Variants in MDC1 observed in about 807,000 individuals in gnomAD.
The protein encoded by MDC1 is mediator of DNA damage checkpoint 1.
MDC1 carries 81 observed loss-of-function variants against 142.5 expected under a neutral mutation model. The observed-to-expected ratio is 0.57, with a 90% confidence interval of 0.47 to 0.68. The LOEUF (loss-of-function observed/expected upper bound fraction) is 0.68. MDC1 is among the 30% of genes least tolerant of loss of function. The pLI is 0.00. For missense variants in MDC1, 2,119 were observed against 2,547.9 expected, an observed-to-expected ratio of 0.83 and a Z score of 3.62; for synonymous variants, 797 against 968.4, an observed-to-expected ratio of 0.82 and a Z score of 3.29.
Position 30,713,395 on chromosome 6 carries a change from C to T in MDC1, c.588-41G>A. On this transcript the variant is annotated intron_variant, in intron 4 of 14. Coordinates refer to ENST00000376406, the MANE Select transcript of MDC1 (RefSeq NM_014641.3). The surrounding 1 kb of genome is among the most constrained non-coding windows in gnomAD (Gnocchi z 4.9). ...AAGAGAGTCTATAGAATTTATTTCC[C>T]TGGAAGGGATACCCCAACTCAACTG... 2 of 1,513,788 alleles carry T rather than the reference C, an allele frequency of 1.3e-6. No homozygotes were observed. Among genetic ancestry groups the T allele is most frequent in the Non-Finnish European group, 1.8e-6 (2 of 1,138,144 alleles). The allele number at this position is 1,513,788 out of a possible 1,614,324, so 93.8% of individuals were successfully genotyped here.
Position 30,712,163 on chromosome 6 carries a change from T to G in MDC1, c.1779A>C (p.Ala593=), listed in dbSNP as rs1775010259. 1 of 1,612,624 alleles carries G rather than the reference T, an allele frequency of 6.2e-7. No individual in the cohort carries two copies. The highest frequency in any genetic ancestry group is 1.3e-5 in the African/African-American group (1 of 74,946). The part of the protein sequence containing the change: ...EGTSLTASVV[A]DVRKSQLPAE... ...CTGGAAGCTGGCTCTTTCTTACATC[T>G]GCAACTACTGAGGCTGTTAGGGAGG... The change falls in exon 5 of 15, where the codon GCA becomes GCC. Residue 593 remains alanine, a synonymous_variant. Coordinates refer to ENST00000376406, the MANE Select transcript of MDC1 (RefSeq NM_014641.3). The surrounding 1 kb of genome is among the most constrained non-coding windows in gnomAD (Gnocchi z 4.7).
chr6:30,700,867 A>C (rs1334105633), intron 14 of MDC1, among the ~76,000 whole-genome samples: 1 of 137,110 alleles, frequency 7.3e-6, no homozygotes, highest in African/African-American at 2.7e-5. Flanking sequence ...TCAGGAGATC[A>C]AGACCACGGT....
chr6:30,715,140 T>G lies in MDC1; in HGVS notation c.36A>C (p.Glu12Asp). 6.2e-7 allele frequency: 1 copy of G among 1,614,192 alleles called. No individual in the cohort carries two copies. The highest frequency in any genetic ancestry group is 8.5e-7 in the Non-Finnish European group (1 of 1,180,032). ...TGGATTGCTCTGTCTCCTCCTCTTC[T>G]TCAACATCCCAGTCAATAGCCTGGG... Reference protein sequence around the residue: ...EDTQAIDWDVEEEEETEQSSE... With the variant: ...EDTQAIDWDVDEEEETEQSSE... The change falls in exon 2 of 15, where the codon GAA (glutamate) becomes GAC (aspartate). Residue 12 changes from glutamate (E) to aspartate (D), a missense_variant. Coordinates refer to ENST00000376406, the MANE Select transcript of MDC1 (RefSeq NM_014641.3). This position sits in a 1 kb window ranked among gnomAD's most constrained non-coding sequence, Gnocchi z 4.1.
At position 30,703,719 on chromosome 6, in the gene MDC1, G is replaced by A. The variant is rs972520492; in HGVS notation, c.5464C>T (p.Pro1822Ser). 1.1e-5 allele frequency: 17 copies of A among 1,540,810 alleles called. No individual in the cohort carries two copies. In the African/African-American group the frequency reaches 2.4e-4, roughly 21 times the overall value. ...KRSLATMDSP[P>S]HQKQPQRGEV... ...CCTCTTTGGGGCTGTTTTTGATGTG[G>A]TGGTGAATCCATGGTAGCTAAAGAC... The change falls in exon 10 of 15, where the codon CCA (proline) becomes TCA (serine). Residue 1822 changes from proline to serine, a missense_variant. Pro to Ser is a moderately conservative substitution (Grantham distance 74). Transcript: ENST00000376406. This position sits in a 1 kb window ranked among gnomAD's most constrained non-coding sequence, Gnocchi z 4.4.
Position 30,707,411 on chromosome 6 carries a change from C to T in MDC1, c.3057G>A (p.Arg1019=). ...TGGAAACCTTCTCAGCAGCTCTGAT[C>T]CTGGAAGCCTTCTCAGCAGGTGGCA... ...CKMPPAEKAS[R]IRAAEKVSRG... Residue 1019 remains arginine (R), a synonymous_variant, in exon 9 of 15, where the codon AGG becomes AGA. Transcript: ENST00000376406. 6.2e-7 allele frequency: 1 copy of T among 1,613,116 alleles called. No individual in the cohort carries two copies. Among genetic ancestry groups the T allele is most frequent in the Non-Finnish European group, 8.5e-7 (1 of 1,180,044 alleles).
Position 30,713,956 on chromosome 6 carries a change from G to T in MDC1, c.364C>A (p.Leu122Ile), listed in dbSNP as rs137893469. ...SHRLRDQELI[L>I]FADLLCQYHR... is the part of the protein sequence containing the mutation. ...TACTGGCAGAGCAAGTCAGCAAAGA[G>T]AATCAATTCCTGGTCCCTCAGACGG... Residue 122 changes from leucine (L) to isoleucine (I), a missense_variant, in exon 3 of 15, where the codon CTC (leucine) becomes ATC (isoleucine). Leu to Ile is a conservative substitution (Grantham distance 5). Transcript: ENST00000376406. This position sits in a 1 kb window ranked among gnomAD's most constrained non-coding sequence, Gnocchi z 4.9. 3.5e-5 allele frequency: 57 copies of T among 1,612,984 alleles called. No homozygotes were observed. The highest frequency in any genetic ancestry group is 4.5e-5 in the Non-Finnish European group (53 of 1,180,038).
intron 14 of MDC1, among the ~76,000 whole-genome samples, 187 bp downstream of exon 14, chr6:30,702,366 T>C (rs774152498): frequency 6.6e-6 from 1 of 151,870 alleles, no homozygotes; most frequent in Non-Finnish European, 1.5e-5. Flanking sequence ...GATTGTTATA[T>C]GGGGGTATCA....
In MDC1 at chr6:30,700,628, T is replaced by C; in HGVS notation, c.6107A>G (p.Gln2036Arg). Residue 2036 changes from glutamine (Q) to arginine (R), a missense_variant, in exon 15 of 15, where the codon CAG (glutamine) becomes CGG (arginine). Gln to Arg is a conservative substitution (Grantham distance 43). Transcript: ENST00000376406. ...CTGAGGGCATGTGATCACAACTCTCTGAGGCTGGGGAAGACAGAGCAAAGG... is the reference window on the plus strand; with the variant it reads ...CTGAGGGCATGTGATCACAACTCTCCGAGGCTGGGGAAGACAGAGCAAAGG... ...LPSMPRSYKP[Q>R]RVVITCPQDF... The C allele has an allele frequency of 6.2e-7, 1 of 1,612,846 alleles. No homozygotes were observed.
chr6:30,712,422 C>A lies in MDC1; in HGVS notation c.1520G>T (p.Gly507Val), dbSNP rs1402480580. The A allele has an allele frequency of 6.2e-7, 1 of 1,613,002 alleles. No homozygotes were observed. The highest frequency in any genetic ancestry group is 1.1e-5 in the South Asian group (1 of 91,084). Residue 507 changes from glycine to valine, a missense_variant, in exon 5 of 15, where the codon GGG (glycine) becomes GTG (valine). By Grantham distance (109) the Gly-to-Val change is moderately radical (BLOSUM62 -3). Coordinates refer to ENST00000376406, the MANE Select transcript of MDC1 (RefSeq NM_014641.3). This position sits in a 1 kb window ranked among gnomAD's most constrained non-coding sequence, Gnocchi z 4.7. ...GGCTTGGCTTCTCTCCAGGTGGATC[C>A]CAGGTGAGCTCTTATCTGCTTCCAC... ...DSVEADKSSPGIHLERSQAST... is the reference protein window; with the variant it reads ...DSVEADKSSPVIHLERSQAST...
Position 30,713,052 on chromosome 6 carries a change from T to G in MDC1, c.890A>C (p.Glu297Ala), listed in dbSNP as rs1775155116. The change falls in exon 5 of 15, where the codon GAG (glutamate) becomes GCG (alanine). Residue 297 changes from glutamate (E) to alanine (A), a missense_variant. Transcript: ENST00000376406. This position sits in a 1 kb window ranked among gnomAD's most constrained non-coding sequence, Gnocchi z 4.9. ...VILERSQPPG[E>A]DSDTDVDDDS... Reference sequence around the variant, plus strand: ...ATCATCCACATCTGTGTCACTGTCCTCTCCAGGAGGTTGGCTCCTCTCCAG... The same window carrying G: ...ATCATCCACATCTGTGTCACTGTCCGCTCCAGGAGGTTGGCTCCTCTCCAG... 7 of 1,612,948 alleles carry G rather than the reference T, an allele frequency of 4.3e-6. No homozygotes were observed. The East Asian group carries it at 1.3e-4, about 31-fold the overall frequency.
rs1206610802 is a variant in MDC1 at position 30,707,563 on chromosome 6, T to TA, written c.3013+2dup. On this transcript the variant is annotated splice_region_variant and intron_variant, in intron 8 of 14. Transcript: ENST00000376406. Reference sequence around the variant, plus strand: ...CCTTGGGTTCCCCTCTGCCTTCACTTACCTTTCTGATGCCTCCTGGGGCTC... The same window carrying TA: ...CCTTGGGTTCCCCTCTGCCTTCACTTAACCTTTCTGATGCCTCCTGGGGCTC... 2 of 1,612,284 alleles carry TA rather than the reference T, an allele frequency of 1.2e-6. No individual in the cohort carries two copies. Among genetic ancestry groups the TA allele is most frequent in the Non-Finnish European group, 1.7e-6 (2 of 1,179,384 alleles).
At position 30,711,715 on chromosome 6, in the gene MDC1, G is replaced by T; in HGVS notation, c.2080C>A (p.Leu694Met). ...SEDNYGDSED[L>M]DLQATQCFLE... The stretch of plus-strand genomic sequence containing the variant: ...AAGCACTGGGTAGCTTGTAGGTCCA[G>T]ATCTTCAGAATCTGGTCGGGGAGGA... The change falls in exon 6 of 15, where the codon CTG becomes ATG. Residue 694 changes from leucine (L) to methionine (M), a missense_variant. Leu to Met is a conservative substitution (Grantham distance 15). Coordinates refer to ENST00000376406, the MANE Select transcript of MDC1 (RefSeq NM_014641.3). The T allele has an allele frequency of 6.2e-7, 1 of 1,612,828 alleles. No homozygotes were observed.
chr6:30,706,587 A>G lies in MDC1; in HGVS notation c.3085-489T>C, dbSNP rs568873516. ...CAGTGAGCCGAGATGGTGCCACTGC[A>G]CTCCAGCCTGGGGGACAGAGCAAGA... On this transcript the variant is annotated intron_variant, in intron 9 of 14. Transcript: ENST00000376406. Among the ~76,000 whole-genome samples, 508 of 140,674 alleles carry G rather than the reference A, an allele frequency of 3.6e-3. 4 individuals carry two copies. The highest frequency in any genetic ancestry group is 7.2e-3 in the Admixed American group (95 of 13,164). The allele number at this position is 140,674 out of a possible 152,430, so 92.3% of individuals were successfully genotyped here. A position where few individuals can be genotyped will look rare whatever the true frequency, so the allele number is the denominator to read the frequency against.
In MDC1 at chr6:30,709,267, T is replaced by C. The variant is rs1340799543; in HGVS notation, c.2222-910A>G. Among the ~76,000 whole-genome samples the C allele has an allele frequency of 6.6e-6, 1 of 152,264 alleles. No homozygotes were observed. The highest frequency in any genetic ancestry group is 2.4e-5 in the African/African-American group (1 of 41,480). Reference sequence around the variant, plus strand: ...CTTAGACTCAAGTGATCCACCCACATTGGTCTCCCAAAGTGCTGGGATTAC... The same window carrying C: ...CTTAGACTCAAGTGATCCACCCACACTGGTCTCCCAAAGTGCTGGGATTAC... On this transcript the variant is annotated intron_variant, in intron 7 of 14. Coordinates refer to ENST00000376406, the MANE Select transcript of MDC1 (RefSeq NM_014641.3). The surrounding 1 kb of genome is among the most constrained non-coding windows in gnomAD (Gnocchi z 4.2).
Position 30,704,407 on chromosome 6 carries a change from G to T in MDC1, c.4776C>A (p.Pro1592=), listed in dbSNP as rs1414575431. Reference sequence around the variant, plus strand: ...TCCTGCACCTAGTGGCCCGAGATGTGGGCTCAGGGGTGACAAGCTGGTTTC... The same window carrying T: ...TCCTGCACCTAGTGGCCCGAGATGTTGGCTCAGGGGTGACAAGCTGGTTTC... The part of the protein sequence containing the change: ...TSRNQLVTPE[P]TSRATRCRTN... The change falls in exon 10 of 15, where the codon CCC becomes CCA. Residue 1592 remains proline, a synonymous_variant. Transcript: ENST00000376406. 4 of 1,612,578 alleles carry T rather than the reference G, an allele frequency of 2.5e-6. No homozygotes were observed. The highest frequency in any genetic ancestry group is 3.4e-6 in the Non-Finnish European group (4 of 1,179,590).
rs368485880 is a variant in MDC1, at chr6:30,707,478, G to A, written c.3014-24C>T. ...GCCTAGACAGAAAGTAAACACAAAG[G>A]TGGCTGAGTTCCAAGCAGCTGGTTG... On this transcript the variant is annotated intron_variant, in intron 8 of 14. Transcript: ENST00000376406. 269 of 1,613,074 alleles carry A rather than the reference G, an allele frequency of 1.7e-4. 8 individuals carry two copies. Among genetic ancestry groups the A allele is most frequent in the East Asian group, 8.9e-4 (40 of 44,880 alleles).
At position 30,700,534 on chromosome 6, in the gene MDC1, A is replaced by T; in HGVS notation, c.6201T>A (p.Thr2067=). Residue 2067 remains threonine (T), a synonymous_variant, in exon 15 of 15, where the codon ACT becomes ACA. Transcript: ENST00000376406. ...LPLLSPEFLL[T]GVLKQEAKPE... ...GCTTGGCTTCCTGCTTCAGCACTCC[A>T]GTCAGCAGGAACTCAGGCGAGAGGA... 1 of 1,613,010 alleles carries T rather than the reference A, an allele frequency of 6.2e-7. No individual in the cohort carries two copies.
At position 30,703,003 on chromosome 6, in the gene MDC1, CCT is replaced by C. The variant is rs149766760; in HGVS notation, c.5865+99_5865+100del. The C allele has an allele frequency of 2.1e-3, 3,354 of 1,575,916 alleles. 157 individuals are homozygous for C. The East Asian group carries it at 0.058, about 27-fold the overall frequency. On this transcript the variant is annotated intron_variant, in intron 12 of 14. Coordinates refer to ENST00000376406, the MANE Select transcript of MDC1 (RefSeq NM_014641.3). This position sits in a 1 kb window ranked among gnomAD's most constrained non-coding sequence, Gnocchi z 4.4. The stretch of plus-strand genomic sequence containing the variant: ...TGCAGGCTTCTGGCTCACCAATGCC[CCT>C]GTCTTCCTGTAACGCCTCTTCCCTT...
rs1200550390 is a variant in MDC1, at chr6:30,715,911, C to T, written c.-3-733G>A. ...CAGATCTCCTTGAAACATACATAAG[C>T]ATATATAAGGTTAAGACTTGCCCCA... On this transcript the variant is annotated intron_variant, in intron 1 of 14. Coordinates refer to ENST00000376406, the MANE Select transcript of MDC1 (RefSeq NM_014641.3). The surrounding 1 kb of genome is among the most constrained non-coding windows in gnomAD (Gnocchi z 4.1). Among the ~76,000 whole-genome samples the T allele has an allele frequency of 6.6e-6, 1 of 152,160 alleles. No homozygotes were observed. Among genetic ancestry groups the T allele is most frequent in the African/African-American group, 2.4e-5 (1 of 41,432 alleles).
Sources: allele counts gnomAD v4.1 joint callset (sites outside exome capture counted in the v4.1 genomes callset), GRCh38; gene constraint gnomAD v4.1.1; non-coding constraint Gnocchi (gnomAD v3.1); transcripts MANE v1.5; gene names NCBI Gene and HGNC (gene_info 2026-07-23, HGNC 2026-07-21).